Variants in EXOC6B observed in about 807,000 individuals in gnomAD.
EXOC6B encodes exocyst complex component 6B.
EXOC6B carries 54 observed loss-of-function variants against 113.5 expected under a neutral mutation model. The ratio of observed to expected loss-of-function variants is 0.48; its 90% CI spans 0.38 to 0.60. The LOEUF is 0.60. Among genes scored for constraint, EXOC6B ranks in the 20% least tolerant of loss-of-function variants. The pLI, the probability that EXOC6B is intolerant of heterozygous loss-of-function variation, is 0.00. For synonymous variants in EXOC6B, 357 were observed against 339.0 expected (o/e 1.05, Z -0.58); for missense variants, 797 against 977.5 (o/e 0.82, Z 2.46).
At chr2:72,678,444 C>T (rs766289433) in intron 6 of EXOC6B, among the ~76,000 whole-genome samples, 2 of 152,168 alleles carry the variant, frequency 1.3e-5, no homozygotes, top group Non-Finnish European at 2.9e-5. Flanking sequence ...CTGTGGTTCA[C>T]GTTTACAATC....
At chr2:72,231,610 A>G (rs1681623479) in intron 20 of EXOC6B, among the ~76,000 whole-genome samples, 1 of 152,174 alleles carries the variant, frequency 6.6e-6, no homozygotes, top group Non-Finnish European at 1.5e-5. Context: ...TAACTCTACT[A>G]TATGAAGAGC....
chr2:72,741,115 G>A (rs183889691), intron 2 of EXOC6B, among the ~76,000 whole-genome samples, 189 bp downstream of exon 2: 1 of 151,932 alleles, frequency 6.6e-6, no homozygotes. Context: ...AAAAAAAAAG[G>A]GGGGGTGGGT....
intron 11 of EXOC6B, among the ~76,000 whole-genome samples, chr2:72,508,777 A>C (rs1700746333): frequency 6.6e-6 from 1 of 152,136 alleles, no homozygotes; most frequent in African/African-American, 2.4e-5. Flanking sequence ...TGTCTCAAAA[A>C]AGTAAATAAA....
chr2:72,458,874 G>A (rs1697427707), intron 18 of EXOC6B, among the ~76,000 whole-genome samples: 1 of 151,864 alleles, frequency 6.6e-6, no homozygotes, highest in African/African-American at 2.4e-5. Context: ...AATGGGGACA[G>A]GTGGGCTGGC....
intron 6 of EXOC6B, among the ~76,000 whole-genome samples, chr2:72,629,368 T>C (rs1445635503): frequency 6.6e-6 from 1 of 152,192 alleles, no homozygotes; most frequent in African/African-American, 2.4e-5. Flanking sequence ...TTCCAACCTC[T>C]ACTTACAATT....
At chr2:72,758,948 T>C (rs1440886260) in intron 1 of EXOC6B, among the ~76,000 whole-genome samples, 1 of 152,266 alleles carries the variant, frequency 6.6e-6, no homozygotes, top group Non-Finnish European at 1.5e-5. Flanking sequence ...ATTCTACATA[T>C]AAACAGCCTT....
At chr2:72,767,830 A>AAAAAAAAAAAAAAAAAAAAAAAAAAC (rs1683172491) in intron 1 of EXOC6B, among the ~76,000 whole-genome samples, 1 of 144,502 alleles carries the variant, frequency 6.9e-6, no homozygotes, top group Non-Finnish European at 1.5e-5. Flanking sequence ...AAAAAAAAAA[A>AAAAAAAAAAAAAAAAAAAAAAAAAAC]AAAGACCAAG....
chr2:72,617,668 C>T (rs1671479687), intron 6 of EXOC6B, among the ~76,000 whole-genome samples: 1 of 151,756 alleles, frequency 6.6e-6, no homozygotes, highest in Non-Finnish European at 1.5e-5. Flanking sequence ...GCCCACCACA[C>T]CATGCCCTGC....
At chr2:72,475,649 G>A (rs1698694628) in intron 17 of EXOC6B, among the ~76,000 whole-genome samples, 1 of 152,130 alleles carries the variant, frequency 6.6e-6, no homozygotes, top group Non-Finnish European at 1.5e-5. Flanking sequence ...CAGTAGTTAG[G>A]GGTGAGGCAA....
chr2:72,747,181 T>C (rs1681757663), intron 1 of EXOC6B, among the ~76,000 whole-genome samples: 1 of 152,042 alleles, frequency 6.6e-6, no homozygotes, highest in Non-Finnish European at 1.5e-5. Flanking sequence ...GATATTTCTG[T>C]CCTACCACAA....
intron 6 of EXOC6B, among the ~76,000 whole-genome samples, chr2:72,681,829 G>A (rs1014455255): frequency 6.6e-6 from 1 of 151,880 alleles, no homozygotes; most frequent in African/African-American, 2.4e-5. Flanking sequence ...ATAGACAATA[G>A]CCACAACAAT....
intron 20 of EXOC6B, among the ~76,000 whole-genome samples, chr2:72,234,807 AAAATCATTAGAGAAATGC>A (rs1681852728): frequency 6.6e-6 from 1 of 152,162 alleles, no homozygotes. Flanking sequence ...AGAAACATGT[AAAATCATTAGAGAAATGC>A]AAATCAAAAT....
chr2:72,730,953 T>G (rs1405164804), intron 5 of EXOC6B, 54 bp downstream of exon 5: 2 of 1,327,532 alleles, frequency 1.5e-6, no homozygotes, highest in East Asian at 2.5e-5. Context: ...AAACGTATTC[T>G]AAACAACAGA....
intron 8 of EXOC6B, among the ~76,000 whole-genome samples, chr2:72,551,635 G>C (rs894225307): frequency 7.9e-5 from 12 of 151,760 alleles, no homozygotes; most frequent in Admixed American, 3.3e-4. Flanking sequence ...CTCACGAGTA[G>C]CTGGGACTAC....
chr2:72,469,653 A>G (rs1174009344), intron 17 of EXOC6B, among the ~76,000 whole-genome samples: 1 of 152,026 alleles, frequency 6.6e-6, no homozygotes, highest in Non-Finnish European at 1.5e-5. Flanking sequence ...ATGTTAGTAT[A>G]ATTCCTATTT....
rs1420754150 is a variant in EXOC6B, at chr2:72,744,208, A to G, written c.114-2739T>C. ...GTATACTCTATGATGTTCACACAACAACAAAATCACCTAATGACACATTTT... is the reference window on the plus strand; with the variant it reads ...GTATACTCTATGATGTTCACACAACGACAAAATCACCTAATGACACATTTT... On this transcript the variant is annotated intron_variant, in intron 1 of 21. Coordinates refer to ENST00000272427, the MANE Select transcript of EXOC6B (RefSeq NM_015189.3). Among the ~76,000 whole-genome samples, 5 of 152,164 alleles carry G rather than the reference A, an allele frequency of 3.3e-5. No homozygotes were observed. In the East Asian group the frequency reaches 9.6e-4, roughly 29 times the overall value.
intron 6 of EXOC6B, among the ~76,000 whole-genome samples, chr2:72,676,080 G>C (rs1676282223): frequency 6.7e-6 from 1 of 149,112 alleles, no homozygotes; most frequent in South Asian, 2.1e-4. Flanking sequence ...CATATGGCAT[G>C]AACAGACCAG....
chr2:72,635,785 G>A (rs1558866177), intron 6 of EXOC6B, among the ~76,000 whole-genome samples: 1 of 152,108 alleles, frequency 6.6e-6, no homozygotes, highest in Non-Finnish European at 1.5e-5. Context: ...CATGCATTTA[G>A]ATAAAAATAC....
At chr2:72,516,532 C>T (rs1043422434) in intron 8 of EXOC6B, among the ~76,000 whole-genome samples, 8 of 152,134 alleles carry the variant, frequency 5.3e-5, no homozygotes, top group Admixed American at 2.0e-4. Flanking sequence ...TTAGCCACCA[C>T]GCCCGGCCCT....
Sources: allele counts gnomAD v4.1 joint callset (sites outside exome capture counted in the v4.1 genomes callset), GRCh38; gene constraint gnomAD v4.1.1; transcripts MANE v1.5; gene names NCBI Gene and HGNC (gene_info 2026-07-23, HGNC 2026-07-21).